Variants in MTSS1 observed in about 807,000 individuals in gnomAD.
MTSS1 encodes the protein MTSS I-BAR domain containing 1.
Under a neutral mutation model 79.0 loss-of-function variants are expected in MTSS1, and 18 were observed. The ratio of observed to expected loss-of-function variants is 0.23; its 90% CI spans 0.16 to 0.34. The LOEUF (loss-of-function observed/expected upper bound fraction) is 0.34. Ranked by LOEUF, MTSS1 falls within the 10% of genes least tolerant of loss-of-function variation. The pLI, the probability that MTSS1 is intolerant of heterozygous loss-of-function variation, is 1.00. For synonymous variants in MTSS1, 341 were observed against 368.6 expected (o/e 0.93, Z 0.86); for missense variants, 815 against 986.2 (o/e 0.83, Z 2.33).
intron 3 of MTSS1, among the ~76,000 whole-genome samples, chr8:124,678,145 C>T (rs1825603444): frequency 6.6e-6 from 1 of 152,132 alleles, no homozygotes; most frequent in African/African-American, 2.4e-5. Flanking sequence ...CCCCTTTCAT[C>T]CACTGAATGC....
intron 3 of MTSS1, among the ~76,000 whole-genome samples, chr8:124,647,184 C>T (rs1489239508): frequency 5.9e-5 from 9 of 152,156 alleles, no homozygotes; most frequent in Non-Finnish European, 1.3e-4. Context: ...CCTACATTTT[C>T]AAAAACTACT....
intron 3 of MTSS1, among the ~76,000 whole-genome samples, chr8:124,606,349 G>A (rs150525045): frequency 0.045 from 6,812 of 151,538 alleles, 532 homozygotes; most frequent in African/African-American, 0.16. Context: ...GGGTTTCACC[G>A]TGTTGGCCAG....
intron 13 of MTSS1, among the ~76,000 whole-genome samples, chr8:124,554,071 A>G (rs189224249): frequency 1.8e-4 from 27 of 152,358 alleles, no homozygotes; most frequent in African/African-American, 6.5e-4. Flanking sequence ...CAAACCTCAA[A>G]TAGACTAGCC....
At chr8:124,695,796 C>T (rs545377655) in intron 3 of MTSS1, among the ~76,000 whole-genome samples, 188 of 151,142 alleles carry the variant, frequency 1.2e-3, no homozygotes, top group Non-Finnish European at 1.9e-3. Context: ...TTAGGGGCTA[C>T]CTTCTGAAAA....
chr8:124,579,499 G>A (rs895194975), intron 6 of MTSS1: 2 of 152,222 alleles, frequency 1.3e-5, no homozygotes, highest in Non-Finnish European at 2.9e-5. Context: ...ACTTCAGAAC[G>A]GCTAAAATGA....
chr8:124,561,153 C>T (rs562642731), intron 10 of MTSS1, among the ~76,000 whole-genome samples: 13 of 152,280 alleles, frequency 8.5e-5, no homozygotes, highest in Admixed American at 5.2e-4. Flanking sequence ...CCCTAGTGGC[C>T]GGGCGCGGTG....
intron 3 of MTSS1, among the ~76,000 whole-genome samples, chr8:124,664,460 T>G (rs1822677800): frequency 1.3e-5 from 2 of 151,708 alleles, no homozygotes; most frequent in Admixed American, 6.5e-5. Flanking sequence ...AATGTCTCTT[T>G]AATCGTTGGG....
At chr8:124,626,482 TA>T (rs1264898725) in intron 3 of MTSS1, among the ~76,000 whole-genome samples, 1 of 151,866 alleles carries the variant, frequency 6.6e-6, no homozygotes, top group Non-Finnish European at 1.5e-5. Flanking sequence ...AAAATAAAAA[TA>T]AAAAAACCAA....
intron 6 of MTSS1, chr8:124,580,635 C>T: frequency 2.0e-6 from 3 of 1,499,944 alleles, no homozygotes; most frequent in Non-Finnish European, 2.7e-6. Context: ...TAAAGTCAAA[C>T]TGGTATTCAA....
At chr8:124,587,859 C>A (rs1429326816) in intron 5 of MTSS1, among the ~76,000 whole-genome samples, 1 of 152,188 alleles carries the variant, frequency 6.6e-6, no homozygotes, top group Non-Finnish European at 1.5e-5. Flanking sequence ...ACCCATACTT[C>A]TGAATCTCAA....
intron 3 of MTSS1, among the ~76,000 whole-genome samples, chr8:124,617,314 C>A (rs774781598): frequency 6.6e-6 from 1 of 152,302 alleles, no homozygotes; most frequent in African/African-American, 2.4e-5. Context: ...CAAGGACCCA[C>A]CAGAGAGCCC....
At chr8:124,557,043 A>G (rs1233489786) in intron 11 of MTSS1, among the ~76,000 whole-genome samples, 2 of 152,192 alleles carry the variant, frequency 1.3e-5, no homozygotes, top group African/African-American at 4.8e-5. Flanking sequence ...CCTCCTCTCA[A>G]AAGAGAGCAG....
In MTSS1 at chr8:124,604,740, C is replaced by T. The variant is rs1199195672; in HGVS notation, c.209-13505G>A. On this transcript the variant is annotated intron_variant, in intron 3 of 13. Coordinates refer to ENST00000518547, the MANE Select transcript of MTSS1 (RefSeq NM_014751.6). The stretch of plus-strand genomic sequence containing the variant: ...TCAGCATCACATTTTTGGAAGACAC[C>T]ATTGTGCCCACACACAGGGTGGAAG... Among the ~76,000 whole-genome samples the T allele has an allele frequency of 2.0e-5, 3 of 152,258 alleles. No homozygotes were observed. The East Asian group carries it at 5.8e-4, about 29-fold the overall frequency.
intron 3 of MTSS1, among the ~76,000 whole-genome samples, chr8:124,637,824 C>T (rs1452082614): frequency 6.6e-6 from 1 of 152,214 alleles, no homozygotes; most frequent in Non-Finnish European, 1.5e-5. Context: ...CTTGCTCATT[C>T]GTTCATTCTG....
At chr8:124,700,080 G>A (rs534402434) in intron 2 of MTSS1, among the ~76,000 whole-genome samples, 141 of 151,918 alleles carry the variant, frequency 9.3e-4, no homozygotes, top group Non-Finnish European at 1.8e-3. Context: ...CAGAGGTTGC[G>A]GTGAGCCAAG....
rs1825721824 is a variant in MTSS1, at chr8:124,563,207, G to A, written c.825-215C>T. 15 of 568,210 alleles carry A rather than the reference G, an allele frequency of 2.6e-5. No homozygotes were observed. The South Asian group carries it at 3.1e-4, about 12-fold the overall frequency. The allele number at this position is 568,210 out of a possible 1,614,324, so 35.2% of individuals were successfully genotyped here. On this transcript the variant is annotated intron_variant, in intron 9 of 13. Transcript: ENST00000518547. The stretch of plus-strand genomic sequence containing the variant: ...AGGTAGTCAACAAAATGCTTTTCCA[G>A]GTGACCCAGGGGGAAATACAGCTGC...
rs555363634 is a variant in MTSS1, at chr8:124,614,058, G to A, written c.209-22823C>T. ...CTGCATCTGTAGTCCCAGCTACTTG[G>A]GTGGCTGAGGTGGGAGGATGGTTTA... On this transcript the variant is annotated intron_variant, in intron 3 of 13. Transcript: ENST00000518547. Among the ~76,000 whole-genome samples the A allele has an allele frequency of 4.0e-5, 6 of 151,860 alleles. No individual in the cohort carries two copies. In the East Asian group the frequency reaches 9.7e-4, roughly 25 times the overall value.
At chr8:124,568,025 C>A in intron 7 of MTSS1, 1 of 1,171,904 alleles carries the variant, frequency 8.5e-7, no homozygotes, top group Non-Finnish European at 1.1e-6. Flanking sequence ...ACGACTGGGT[C>A]CCCACCCCCA....
At chr8:124,691,598 C>T (rs546281500) in intron 3 of MTSS1, among the ~76,000 whole-genome samples, 5 of 152,148 alleles carry the variant, frequency 3.3e-5, no homozygotes, top group Non-Finnish European at 7.3e-5. Flanking sequence ...TCACTGCAAC[C>T]TCCGCCTCCC....
Sources: gnomAD v4.1 joint callset for allele counts (sites outside exome capture counted in the v4.1 genomes callset) on GRCh38, gnomAD v4.1.1 for gene constraint, MANE v1.5 for transcripts, NCBI Gene and HGNC (gene_info 2026-07-23, HGNC 2026-07-21) for gene names.